Variants in TXNDC16 observed in about 807,000 individuals in gnomAD.
TXNDC16 encodes thioredoxin domain-containing protein 16.
In TXNDC16, 74 loss-of-function variants were observed where a neutral mutation model predicts 85.6. That is an observed-to-expected ratio of 0.86 (90% CI 0.72 to 1.05). The LOEUF is 1.05. Ranked by LOEUF, TXNDC16 falls within the 50% of genes least tolerant of loss-of-function variation. The pLI is 0.00. For missense variants in TXNDC16, 959 were observed against 947.0 expected (o/e 1.01, Z -0.17); for synonymous variants, 335 against 326.5 (o/e 1.03, Z -0.28).
chr14:52,461,794 T>C (rs369528903), intron 16 of TXNDC16, among the ~76,000 whole-genome samples: 9 of 152,318 alleles, frequency 5.9e-5, no homozygotes, highest in African/African-American at 1.7e-4. Flanking sequence ...TGGCCACCTG[T>C]CCAGACCCCA....
intron 6 of TXNDC16, among the ~76,000 whole-genome samples, chr14:52,535,179 C>T (rs1324446579): frequency 6.6e-6 from 1 of 152,166 alleles, no homozygotes; most frequent in East Asian, 1.9e-4. Flanking sequence ...CAGCTGCTAA[C>T]TAGTAAGCTT....
In TXNDC16 at chr14:52,511,359, A is replaced by G. The variant is rs774036797; in HGVS notation, c.637T>C (p.Phe213Leu). 2 of 1,603,272 alleles carry G rather than the reference A, an allele frequency of 1.2e-6. No homozygotes were observed. The highest frequency in any genetic ancestry group is 1.1e-5 in the South Asian group (1 of 89,368). Reference sequence around the variant, plus strand: ...TCCAAGACTAGTTTACAATGAAAAAAGTAGAGATGTGCATATTCCACATCC... The same window carrying G: ...TCCAAGACTAGTTTACAATGAAAAAGGTAGAGATGTGCATATTCCACATCC... The part of the protein sequence containing the change: ...SEDVEYAHLY[F>L]FHCKLVLDLT... Residue 213 changes from phenylalanine (F) to leucine (L), a missense_variant, in exon 9 of 21, where the codon TTT (phenylalanine) becomes CTT (leucine). By Grantham distance (22) the Phe-to-Leu change is conservative (BLOSUM62 0). Transcript: ENST00000281741.
At chr14:52,478,081 T>C (rs991117794) in intron 14 of TXNDC16, among the ~76,000 whole-genome samples, 12 of 152,136 alleles carry the variant, frequency 7.9e-5, no homozygotes, top group Admixed American at 7.2e-4. Context: ...TGAATGATCG[T>C]TGGGTCAAAA....
At chr14:52,528,994 C>G (rs1428861204) in intron 6 of TXNDC16, among the ~76,000 whole-genome samples, 2 of 146,300 alleles carry the variant, frequency 1.4e-5, no homozygotes, top group Non-Finnish European at 3.0e-5. Context: ...CTATATAAAA[C>G]CTATTATATA....
At chr14:52,482,371 TTA>T in intron 13 of TXNDC16, 82 bp from the exon 14 acceptor site, 2 of 1,197,156 alleles carry the variant, frequency 1.7e-6, no homozygotes, top group Non-Finnish European at 2.4e-6. Context: ...ATATACAGAT[TTA>T]TGAGGTTTCC....
chr14:52,541,643 G>T (rs1363423050), intron 4 of TXNDC16, among the ~76,000 whole-genome samples: 1 of 152,184 alleles, frequency 6.6e-6, no homozygotes, highest in Non-Finnish European at 1.5e-5. Flanking sequence ...CCATCTTTTA[G>T]AAGAGGAAGG....
At chr14:52,479,735 G>GA (rs1167915541) in intron 14 of TXNDC16, among the ~76,000 whole-genome samples, 1 of 152,038 alleles carries the variant, frequency 6.6e-6, no homozygotes, top group African/African-American at 2.4e-5. Flanking sequence ...TTGTGAAAAT[G>GA]ACCATACTGC....
chr14:52,526,823 G>A (rs1233641226), intron 6 of TXNDC16, among the ~76,000 whole-genome samples: 1 of 152,232 alleles, frequency 6.6e-6, no homozygotes, highest in African/African-American at 2.4e-5. Context: ...CTCTGAGGAG[G>A]AGCGAGGGGC....
intron 9 of TXNDC16, among the ~76,000 whole-genome samples, chr14:52,507,607 T>G (rs1419776801): frequency 2.0e-5 from 3 of 152,146 alleles, no homozygotes; most frequent in Admixed American, 1.3e-4. Context: ...CATTGCCAAG[T>G]CAATCCTAAG....
intron 16 of TXNDC16, among the ~76,000 whole-genome samples, chr14:52,466,671 C>G (rs1156401996): frequency 6.6e-6 from 1 of 151,810 alleles, no homozygotes; most frequent in East Asian, 1.9e-4. Context: ...TGGAAACCAT[C>G]CTGGCTAATG....
intron 6 of TXNDC16, among the ~76,000 whole-genome samples, chr14:52,530,331 T>TAA: frequency 2.3e-5 from 1 of 42,616 alleles, no homozygotes; most frequent in South Asian, 1.2e-3. Context: ...TATTTTTATA[T>TAA]TATATATAAT....
At chr14:52,500,703 G>A (rs992570442) in intron 9 of TXNDC16, among the ~76,000 whole-genome samples, 3 of 152,052 alleles carry the variant, frequency 2.0e-5, no homozygotes, top group Non-Finnish European at 4.4e-5. Flanking sequence ...TCTAGAAATA[G>A]GAGCTAAATG....
At chr14:52,527,866 G>A (rs1407133329) in intron 6 of TXNDC16, among the ~76,000 whole-genome samples, 1 of 151,500 alleles carries the variant, frequency 6.6e-6, no homozygotes. Context: ...ATAGTATGAT[G>A]CTATGCCCTA....
At chr14:52,483,102 C>A in intron 12 of TXNDC16, 137 bp from the exon 13 acceptor site, 2 of 658,752 alleles carry the variant, frequency 3.0e-6, no homozygotes, top group Non-Finnish European at 4.6e-6. Context: ...AGTTAGGATG[C>A]ATGATATTTA....
chr14:52,515,206 A>G (rs995932827), intron 7 of TXNDC16, among the ~76,000 whole-genome samples: 1 of 152,208 alleles, frequency 6.6e-6, no homozygotes, highest in Non-Finnish European at 1.5e-5. Flanking sequence ...TTTTTACTTG[A>G]GAATATAATA....
intron 1 of TXNDC16, among the ~76,000 whole-genome samples, chr14:52,551,996 T>C (rs1036928008): frequency 1.3e-5 from 2 of 152,204 alleles, no homozygotes; most frequent in African/African-American, 2.4e-5. Flanking sequence ...ATACTACTAC[T>C]ACTCTTCCTT....
chr14:52,498,233 T>A (rs536579261), intron 9 of TXNDC16, among the ~76,000 whole-genome samples: 2 of 152,132 alleles, frequency 1.3e-5, no homozygotes, highest in Non-Finnish European at 2.9e-5. Context: ...TCTAAGACCA[T>A]GAACAAGTCA....
At position 52,442,827 on chromosome 14, in the gene TXNDC16, A is replaced by G. The variant is rs955904792; in HGVS notation, c.1843-2103T>C. ...ACATTTATTGAGGACAAAGTTCAAG[A>G]TGTTATGCTGGGTGCTGAATCTATA... On this transcript the variant is annotated intron_variant, in intron 18 of 20. Coordinates refer to ENST00000281741, the MANE Select transcript of TXNDC16 (RefSeq NM_020784.3). 5.3e-5 allele frequency among the ~76,000 whole-genome samples: 8 copies of G among 152,192 alleles called. No homozygotes were observed. The South Asian group carries it at 1.7e-3, about 32-fold the overall frequency.
chr14:52,493,216 T>TATATATATATATATATATACACAC, intron 9 of TXNDC16, among the ~76,000 whole-genome samples: 44 of 115,982 alleles, frequency 3.8e-4, no homozygotes, highest in African/African-American at 1.5e-3. Flanking sequence ...TATATATATA[T>TATATATATATATATATATACACAC]ACACACACAC....
Sources: gnomAD v4.1 joint callset for allele counts (sites outside exome capture counted in the v4.1 genomes callset) on GRCh38, gnomAD v4.1.1 for gene constraint, MANE v1.5 for transcripts, NCBI Gene and HGNC (gene_info 2026-07-23, HGNC 2026-07-21) for gene names.